MMAB: variants seen among roughly 807,000 people sequenced by gnomAD.
MMAB encodes the protein corrinoid adenosyltransferase MMAB.
A neutral mutation model predicts 30.6 loss-of-function variants in MMAB; 17 were observed. The ratio of observed to expected loss-of-function variants is 0.56; its 90% CI spans 0.38 to 0.83. The LOEUF is 0.83. Ranked by LOEUF, MMAB falls within the 40% of genes least tolerant of loss-of-function variation. The pLI is 0.00. For synonymous variants in MMAB, 134 were observed against 138.6 expected (o/e 0.97, Z 0.23); for missense variants, 311 against 331.6 (o/e 0.94, Z 0.48).
At chr12:109,568,280 A>G (rs1361813364) in intron 3 of MMAB, 1 of 187,934 alleles carries the variant, frequency 5.3e-6, no homozygotes, top group East Asian at 1.3e-4. Context: ...AAGTGGGAAC[A>G]GCAAGTCCAT....
intron 8 of MMAB, among the ~76,000 whole-genome samples, chr12:109,557,676 A>G (rs1485172112): frequency 6.6e-6 from 1 of 152,196 alleles, no homozygotes; most frequent in East Asian, 1.9e-4. Context: ...TGTCCTGTGC[A>G]TCCTGTGCAG....
intron 8 of MMAB, among the ~76,000 whole-genome samples, chr12:109,557,926 C>T (rs890822052): frequency 3.9e-5 from 6 of 152,230 alleles, no homozygotes; most frequent in Admixed American, 6.5e-5. Flanking sequence ...AACTAGAGGA[C>T]GACGCCACGG....
Position 109,558,214 on chromosome 12 carries a change from T to C in MMAB, c.644+882A>G, listed in dbSNP as rs1262552109. 6.6e-6 allele frequency among the ~76,000 whole-genome samples: 1 copy of C among 152,136 alleles called. No homozygotes were observed. The highest frequency in any genetic ancestry group is 2.4e-5 in the African/African-American group (1 of 41,448). ...AGGGCAGTGGTGTGCCTGTTGCTTGTTGGCTCTGTGAAGCCTCACTGAGGA... is the reference window on the plus strand; with the variant it reads ...AGGGCAGTGGTGTGCCTGTTGCTTGCTGGCTCTGTGAAGCCTCACTGAGGA... On this transcript the variant is annotated intron_variant, in intron 8 of 8. Transcript: ENST00000545712. This position sits in a 1 kb window ranked among gnomAD's most constrained non-coding sequence, Gnocchi z 4.3.
chr12:109,560,970 T>TCCCCCCCC, intron 7 of MMAB, 70 bp downstream of exon 7: 10 of 808,188 alleles, frequency 1.2e-5, no homozygotes, highest in South Asian at 8.5e-5. Context: ...CTCCTCTCCC[T>TCCCCCCCC]CTCCCTCCCC....
In MMAB at chr12:109,561,428, T is replaced by A. The variant is rs966498969; in HGVS notation, c.511A>T (p.Ile171Phe). The A allele has an allele frequency of 6.4e-7, 1 of 1,550,802 alleles. No homozygotes were observed. The highest frequency in any genetic ancestry group is 1.4e-5 in the African/African-American group (1 of 73,050). The change falls in exon 6 of 9, where the codon ATC becomes TTC. Residue 171 changes from isoleucine (I) to phenylalanine (F), a missense_variant. Coordinates refer to ENST00000545712, the MANE Select transcript of MMAB (RefSeq NM_052845.4). The surrounding 1 kb of genome is among the most constrained non-coding windows in gnomAD (Gnocchi z 5.3). ...GCCTGCCCAGTACCTACAGGCAGGA[T>A]GAAGGCCGTGAGTGGTGGGAGCTGG... ...TSQLPPLTAF[I>F]LPSGGKISSA...
rs575072979 is a variant in MMAB at position 109,561,100 on chromosome 12, C to G, written c.524G>C (p.Gly175Ala). 1 of 1,610,346 alleles carries G rather than the reference C, an allele frequency of 6.2e-7. No homozygotes were observed. The highest frequency in any genetic ancestry group is 1.1e-5 in the South Asian group (1 of 91,086). Residue 175 changes from glycine to alanine, a missense_variant, in exon 7 of 9, where the codon GGA (glycine) becomes GCA (alanine). Physicochemically the swap from Gly to Ala is moderately conservative, Grantham distance 60. Coordinates refer to ENST00000545712, the MANE Select transcript of MMAB (RefSeq NM_052845.4). The surrounding 1 kb of genome is among the most constrained non-coding windows in gnomAD (Gnocchi z 5.3). ...PPLTAFILPS[G>A]GKISSALHFC... ...ATGCAGCGCCGAGCTGATCTTGCCT[C>G]CCGACTGAAAGGAGAAAGGGACATT...
chr12:109,555,026 G>A lies in MMAB; in HGVS notation c.*2002C>T, dbSNP rs1340075876. ...ACCCGGTCCTGGAAGGACAGGACTT[G>A]GCAACAGGTGAACGGCCTTGTTTCA... On this transcript the variant is annotated 3_prime_UTR_variant, in exon 9 of 9. Coordinates refer to ENST00000545712, the MANE Select transcript of MMAB (RefSeq NM_052845.4). 2.2e-6 allele frequency: 1 copy of A among 453,962 alleles called. No homozygotes were observed. The highest frequency in any genetic ancestry group is 2.0e-5 in the African/African-American group (1 of 49,980). The allele number at this position is 453,962 out of a possible 1,614,324, so 28.1% of individuals were successfully genotyped here.
chr12:109,565,836 C>T (rs117064360), intron 3 of MMAB, among the ~76,000 whole-genome samples: 1 of 152,192 alleles, frequency 6.6e-6, no homozygotes, highest in East Asian at 1.9e-4. Flanking sequence ...GAGGACTTCC[C>T]TCATAAGGCA....
chr12:109,572,598 T>A (rs1472429028), intron 1 of MMAB, among the ~76,000 whole-genome samples: 2 of 151,840 alleles, frequency 1.3e-5, no homozygotes, highest in African/African-American at 4.8e-5. Context: ...TTGCCTAAGC[T>A]GGAATGCAGT....
At chr12:109,573,118 G>A (rs1309512724) in intron 1 of MMAB, 2 of 603,960 alleles carry the variant, frequency 3.3e-6, no homozygotes, top group East Asian at 2.8e-5. Flanking sequence ...TGGCCCACAT[G>A]GGATATGCCC....
chr12:109,573,378 G>T lies in MMAB; in HGVS notation c.103C>A (p.Arg35Ser). ...ARLLYPRFQSRGPQGVEDGDR... is the reference protein window; with the variant it reads ...ARLLYPRFQSSGPQGVEDGDR... ...CCGTCTTCCACGCCCTGAGGGCCGC[G>T]GCTCTGGAAACGGGGATACAGGAGC... Residue 35 changes from arginine (R) to serine (S), a missense_variant, in exon 1 of 9, where the codon CGC becomes AGC. Physicochemically the swap from Arg to Ser is moderately radical, Grantham distance 110. Transcript: ENST00000545712. 6.2e-7 allele frequency: 1 copy of T among 1,612,914 alleles called. No homozygotes were observed. The highest frequency in any genetic ancestry group is 8.5e-7 in the Non-Finnish European group (1 of 1,179,868).
chr12:109,562,583 TG>T (rs1191094171), intron 4 of MMAB, among the ~76,000 whole-genome samples: 1 of 152,230 alleles, frequency 6.6e-6, no homozygotes, highest in Non-Finnish European at 1.5e-5. Flanking sequence ...GTCTGGGCTC[TG>T]TCCACGTCTC....
At chr12:109,563,819 C>T (rs1390844889) in intron 4 of MMAB, among the ~76,000 whole-genome samples, 1 of 152,238 alleles carries the variant, frequency 6.6e-6, no homozygotes, top group East Asian at 1.9e-4. Context: ...GAGCAGGCTC[C>T]AGCCTGGGCT....
Position 109,573,402 on chromosome 12 carries a change from G to A in MMAB, c.79C>T (p.Leu27Phe), listed in dbSNP as rs150895111. ...GLRGCFGAAR[L>F]LYPRFQSRGP... Reference sequence around the variant, plus strand: ...CGGCTCTGGAAACGGGGATACAGGAGCCTGGCGGCGCCGAAGCACCCGCGC... The same window carrying A: ...CGGCTCTGGAAACGGGGATACAGGAACCTGGCGGCGCCGAAGCACCCGCGC... Residue 27 changes from leucine to phenylalanine, a missense_variant, in exon 1 of 9, where the codon CTC (leucine) becomes TTC (phenylalanine). By Grantham distance (22) the Leu-to-Phe change is conservative. Coordinates refer to ENST00000545712, the MANE Select transcript of MMAB (RefSeq NM_052845.4). 1.5e-5 allele frequency: 24 copies of A among 1,611,132 alleles called. No homozygotes were observed. The African/African-American group carries it at 2.5e-4, about 17-fold the overall frequency.
Position 109,561,889 on chromosome 12 carries a change from T to A in MMAB, c.349-37A>T. ...CAGAAAGTGACAGTCAAGATCTATGTGAGATGGGCTGGACAGAGACAATGT... is the reference window on the plus strand; with the variant it reads ...CAGAAAGTGACAGTCAAGATCTATGAGAGATGGGCTGGACAGAGACAATGT... On this transcript the variant is annotated intron_variant, in intron 4 of 8. Transcript: ENST00000545712. The surrounding 1 kb of genome is among the most constrained non-coding windows in gnomAD (Gnocchi z 5.3). 1 of 1,559,564 alleles carries A rather than the reference T, an allele frequency of 6.4e-7. No individual in the cohort carries two copies. Among genetic ancestry groups the A allele is most frequent in the Non-Finnish European group, 8.7e-7 (1 of 1,144,344 alleles).
At chr12:109,564,652 A>G (rs1272133310) in intron 4 of MMAB, among the ~76,000 whole-genome samples, 1 of 150,224 alleles carries the variant, frequency 6.7e-6, no homozygotes, top group Non-Finnish European at 1.5e-5. Flanking sequence ...TTGGCCGCCC[A>G]AAGTGCTGGG....
In MMAB at chr12:109,556,827, G is replaced by C; in HGVS notation, c.*201C>G. 1 of 674,894 alleles carries C rather than the reference G, an allele frequency of 1.5e-6. No individual in the cohort carries two copies. The highest frequency in any genetic ancestry group is 2.7e-6 in the Non-Finnish European group (1 of 368,712). 41.8% of individuals were successfully genotyped at this position (674,894 alleles called of 1,614,324 possible). On this transcript the variant is annotated 3_prime_UTR_variant, in exon 9 of 9. Transcript: ENST00000545712. ...AGACCCAGGAGAGCTTGGGGAAGCA[G>C]GGTCAGGGACAGAATCCCCAAAGGG...
At chr12:109,565,502 C>T (rs986913615) in intron 3 of MMAB, among the ~76,000 whole-genome samples, 1 of 152,170 alleles carries the variant, frequency 6.6e-6, no homozygotes, top group African/African-American at 2.4e-5. Context: ...TGAGCAGTGA[C>T]AGTCTCAAGT....
In MMAB at chr12:109,553,795, T is replaced by C. The variant is rs1327816759; in HGVS notation, c.*3233A>G. 3 of 450,398 alleles carry C rather than the reference T, an allele frequency of 6.7e-6. No homozygotes were observed. Among genetic ancestry groups the C allele is most frequent in the Non-Finnish European group, 1.3e-5 (3 of 223,836 alleles). 27.9% of individuals were successfully genotyped at this position (450,398 alleles called of 1,614,324 possible). On this transcript the variant is annotated 3_prime_UTR_variant, in exon 9 of 9. Transcript: ENST00000545712. Reference sequence around the variant, plus strand: ...TGAAATGCATCTGGATTCTTAAAGGTTCAGTAGTGATCACTGGGACAGGGC... The same window carrying C: ...TGAAATGCATCTGGATTCTTAAAGGCTCAGTAGTGATCACTGGGACAGGGC...
Sources: allele counts gnomAD v4.1 joint callset (sites outside exome capture counted in the v4.1 genomes callset), GRCh38; gene constraint gnomAD v4.1.1; non-coding constraint Gnocchi (gnomAD v3.1); transcripts MANE v1.5; gene names NCBI Gene and HGNC (gene_info 2026-07-23, HGNC 2026-07-21).